The following MTUS1 variants were observed in gnomAD, a reference collection of about 807,000 sequenced individuals.
The protein encoded by MTUS1 is microtubule associated scaffold protein 1, also known as microtubule-associated tumor suppressor 1.
Under a neutral mutation model 120.8 loss-of-function variants are expected in MTUS1, and 109 were observed. The observed-to-expected ratio is 0.90, with a 90% CI of 0.77 to 1.06. MTUS1 has a LOEUF of 1.06. Among genes scored for constraint, MTUS1 ranks in the 50% least tolerant of loss-of-function variants. The pLI, the probability that MTUS1 is intolerant of heterozygous loss-of-function variation, is 0.00. For missense variants in MTUS1, 2,210 were observed against 1,486.3 expected (o/e 1.49, Z -8.01); for synonymous variants, 737 against 550.5 (o/e 1.34, Z -4.74).
At position 17,655,954 on chromosome 8, in the gene MTUS1, C is replaced by T. The variant is rs375028534; in HGVS notation, c.3017G>A (p.Arg1006Gln). 7.9e-5 allele frequency: 127 copies of T among 1,614,034 alleles called. No homozygotes were observed. Among genetic ancestry groups the T allele is most frequent in the Non-Finnish European group, 9.0e-5 (106 of 1,180,044 alleles). Residue 1006 changes from arginine (R) to glutamine (Q), a missense_variant, in exon 9 of 15, where the codon CGG becomes CAG. By Grantham distance (43) the Arg-to-Gln change is conservative. Coordinates refer to ENST00000693296, the MANE Select transcript of MTUS1 (RefSeq NM_001363059.2). ...CTCCCTGGTGTAAAACTCTTTAAGC[C>T]GATTCTCTCGTTCTGTTTTTTCAGC... is the stretch of plus-strand genomic sequence containing the variant. ...HQAEKTERENRLKEFYTREYE... is the reference protein window; with the variant it reads ...HQAEKTERENQLKEFYTREYE...
chr8:17,770,254 T>C (rs2049926738), intron 1 of MTUS1, among the ~76,000 whole-genome samples: 1 of 152,136 alleles, frequency 6.6e-6, no homozygotes, highest in Admixed American at 6.5e-5. Context: ...TCAAACGTTC[T>C]AGAATTTAGC....
chr8:17,708,136 A>G (rs7839830), intron 6 of MTUS1, among the ~76,000 whole-genome samples: 147,527 of 152,348 alleles, frequency 0.97, 71,559 homozygotes, highest in Non-Finnish European at 0.99. Context: ...TAAAACGTTT[A>G]TGTTTCCAAG....
intron 7 of MTUS1, among the ~76,000 whole-genome samples, chr8:17,681,898 A>AAT (rs1814598391): frequency 6.6e-6 from 1 of 152,120 alleles, no homozygotes; most frequent in Non-Finnish European, 1.5e-5. Flanking sequence ...ATTTAACCCA[A>AAT]ATATATATAT....
chr8:17,779,368 G>A (rs1184221882), intron 1 of MTUS1, among the ~76,000 whole-genome samples: 3 of 152,182 alleles, frequency 2.0e-5, no homozygotes, highest in South Asian at 4.1e-4. Context: ...CAAGGAGTAC[G>A]TTCCTCCAAT....
chr8:17,683,537 C>G lies in MTUS1; in HGVS notation c.2838+791G>C, dbSNP rs144652365. The stretch of plus-strand genomic sequence containing the variant: ...GAACTCCTGACCACAAGCGATCCTC[C>G]CTCCTCGTCTTCCCAAAATGCTGGG... On this transcript the variant is annotated intron_variant, in intron 7 of 14. Transcript: ENST00000693296. 5.2e-3 allele frequency among the ~76,000 whole-genome samples: 798 copies of G among 152,254 alleles called. 13 individuals carry two copies. The highest frequency in any genetic ancestry group is 0.018 in the African/African-American group (735 of 41,530).
intron 3 of MTUS1, among the ~76,000 whole-genome samples, chr8:17,732,259 G>A (rs1434707482): frequency 1.3e-5 from 2 of 152,198 alleles, no homozygotes; most frequent in Non-Finnish European, 2.9e-5. Context: ...CCCTCCCGAG[G>A]AATAAACACA....
chr8:17,708,693 C>T (rs1585851952), intron 6 of MTUS1: 1 of 152,178 alleles, frequency 6.6e-6, no homozygotes, highest in African/African-American at 2.4e-5. Context: ...AAATAAAAGC[C>T]TAAATGTGTA....
chr8:17,790,947 C>A (rs1055254785), intron 1 of MTUS1, among the ~76,000 whole-genome samples: 1 of 152,122 alleles, frequency 6.6e-6, no homozygotes, highest in Non-Finnish European at 1.5e-5. Flanking sequence ...GATCGTACCA[C>A]TGCACTCCAA....
rs929407413 is a variant in MTUS1, at chr8:17,700,380, G to A, written c.2623+12834C>T. On this transcript the variant is annotated intron_variant, in intron 6 of 14. Coordinates refer to ENST00000693296, the MANE Select transcript of MTUS1 (RefSeq NM_001363059.2). ...AGCTACTCAGGAAGCTGAGGCAGGA[G>A]AACCGCTTGAATCTGGGAGATGGAG... Among the ~76,000 whole-genome samples, 3 of 145,228 alleles carry A rather than the reference G, an allele frequency of 2.1e-5. No individual in the cohort carries two copies. The Admixed American group carries it at 2.2e-4, about 11-fold the overall frequency.
At chr8:17,722,130 C>T in intron 4 of MTUS1, 1 of 1,242,210 alleles carries the variant, frequency 8.1e-7, no homozygotes, top group Admixed American at 3.9e-5. Flanking sequence ...TAGACAGGCT[C>T]TGTGGGTGTA....
chr8:17,768,581 C>T (rs1262822407), intron 1 of MTUS1, among the ~76,000 whole-genome samples: 1 of 152,056 alleles, frequency 6.6e-6, no homozygotes, highest in African/African-American at 2.4e-5. Context: ...CACCCCCTTT[C>T]CCTACCCACC....
At chr8:17,739,761 C>T (rs567829115) in intron 3 of MTUS1, among the ~76,000 whole-genome samples, 2 of 152,148 alleles carry the variant, frequency 1.3e-5, no homozygotes, top group African/African-American at 4.8e-5. Flanking sequence ...GCCTGGAACC[C>T]GACATATACT....
At chr8:17,698,516 A>G (rs964407808) in intron 6 of MTUS1, among the ~76,000 whole-genome samples, 1 of 152,234 alleles carries the variant, frequency 6.6e-6, no homozygotes, top group Non-Finnish European at 1.5e-5. Flanking sequence ...TATAAACAAA[A>G]CAATGTTTTA....
chr8:17,734,501 C>T lies in MTUS1; in HGVS notation c.2287+9103G>A, dbSNP rs113138761. The stretch of plus-strand genomic sequence containing the variant: ...GGAAGTTCTCACGATGACTCGAACT[C>T]CACAGAAGCGCAGCATTCTCGGTGA... On this transcript the variant is annotated intron_variant, in intron 3 of 14. Transcript: ENST00000693296. 5.2e-3 allele frequency among the ~76,000 whole-genome samples: 791 copies of T among 152,138 alleles called. 6 individuals carry two copies. Among genetic ancestry groups the T allele is most frequent in the African/African-American group, 0.018 (729 of 41,492 alleles).
At chr8:17,789,721 C>CT (rs1245628364) in intron 1 of MTUS1, among the ~76,000 whole-genome samples, 1 of 152,154 alleles carries the variant, frequency 6.6e-6, no homozygotes, top group African/African-American at 2.4e-5. Context: ...AGCAAGAGTT[C>CT]TTTAACAGAA....
At chr8:17,689,256 A>G (rs994236258) in intron 6 of MTUS1, among the ~76,000 whole-genome samples, 2 of 152,084 alleles carry the variant, frequency 1.3e-5, no homozygotes, top group Admixed American at 6.6e-5. Flanking sequence ...GCCAAGCCCA[A>G]TTATTTGTAG....
intron 7 of MTUS1, among the ~76,000 whole-genome samples, chr8:17,683,223 G>C (rs1017391272): frequency 6.6e-6 from 1 of 152,182 alleles, no homozygotes; most frequent in Admixed American, 6.5e-5. Context: ...AGTGAGCTGA[G>C]ATGGCGCCAC....
intron 3 of MTUS1, among the ~76,000 whole-genome samples, chr8:17,725,963 G>A (rs1278752501): frequency 1.3e-5 from 2 of 152,028 alleles, no homozygotes; most frequent in Admixed American, 6.6e-5. Context: ...GGCAATGTGG[G>A]GTTGATCCCT....
At chr8:17,726,329 G>A (rs1220507705) in intron 3 of MTUS1, among the ~76,000 whole-genome samples, 1 of 152,126 alleles carries the variant, frequency 6.6e-6, no homozygotes, top group East Asian at 1.9e-4. Context: ...GAATGCCGTG[G>A]ACTAAGCCTT....
Sources: gnomAD v4.1 joint callset for allele counts (sites outside exome capture counted in the v4.1 genomes callset) on GRCh38, gnomAD v4.1.1 for gene constraint, MANE v1.5 for transcripts, NCBI Gene and HGNC (gene_info 2026-07-23, HGNC 2026-07-21) for gene names.